BCAR3: variants seen among roughly 807,000 people sequenced by gnomAD.
BCAR3 encodes BCAR3 adaptor protein, NSP family member, also known as breast cancer anti-estrogen resistance protein 3.
In BCAR3, 37 loss-of-function variants were observed where a neutral mutation model predicts 80.1. That is an observed-to-expected ratio of 0.46 (90% CI 0.36 to 0.61). BCAR3 has a LOEUF of 0.61. Among genes scored for constraint, BCAR3 ranks in the 20% least tolerant of loss-of-function variants. The probability of loss-of-function intolerance (pLI) is 0.00; values close to 1 mark genes in which losing one functional copy is unlikely to be tolerated. For missense variants in BCAR3, 978 were observed against 1,068.2 expected, an observed-to-expected ratio of 0.92 and a Z score of 1.18; for synonymous variants, 389 against 418.9, an observed-to-expected ratio of 0.93 and a Z score of 0.87.
chr1:93,821,011 A>G (rs1219978353), intron 2 of BCAR3, among the ~76,000 whole-genome samples: 2 of 152,094 alleles, frequency 1.3e-5, no homozygotes, highest in Non-Finnish European at 2.9e-5. Flanking sequence ...CAAAACAAAA[A>G]AAACTCCTGT....
At chr1:93,604,453 C>G (rs1481395901) in intron 3 of BCAR3, among the ~76,000 whole-genome samples, 1 of 152,174 alleles carries the variant, frequency 6.6e-6, no homozygotes, top group East Asian at 1.9e-4. Flanking sequence ...TTCTGTTATC[C>G]ATGTGTGCAA....
intron 2 of BCAR3, among the ~76,000 whole-genome samples, chr1:93,645,302 T>C (rs1202616357): frequency 6.6e-6 from 1 of 151,866 alleles, no homozygotes; most frequent in Non-Finnish European, 1.5e-5. Flanking sequence ...GAGAAAGAAA[T>C]ACTCTAAAAA....
At chr1:93,588,463 G>A (rs940967465) in intron 5 of BCAR3, among the ~76,000 whole-genome samples, 7 of 152,020 alleles carry the variant, frequency 4.6e-5, no homozygotes, top group African/African-American at 1.7e-4. Context: ...CACCGTGTTC[G>A]CTATGCTGAG....
Position 93,710,863 on chromosome 1 carries a change from C to T in BCAR3, c.-62-4721G>A, listed in dbSNP as rs565986507. Among the ~76,000 whole-genome samples the T allele has an allele frequency of 2.4e-4, 36 of 152,334 alleles. No individual in the cohort carries two copies. The South Asian group carries it at 3.3e-3, about 14-fold the overall frequency. On this transcript the variant is annotated intron_variant, in intron 2 of 13. Coordinates refer to the BCAR3 transcript ENST00000370244. ...TCATGAGTCTGGGAGCAGCTTAGCT[C>T]GATGGTTCTGGTTCAGGGTTTCTCA...
intron 2 of BCAR3, among the ~76,000 whole-genome samples, chr1:93,836,031 C>T (rs1164613033): frequency 6.6e-6 from 1 of 152,184 alleles, no homozygotes; most frequent in African/African-American, 2.4e-5. Context: ...CATCCTCAAT[C>T]TTCAGGAAAG....
At chr1:93,841,015 T>C (rs933267893) in intron 2 of BCAR3, among the ~76,000 whole-genome samples, 2 of 152,222 alleles carry the variant, frequency 1.3e-5, no homozygotes, top group South Asian at 2.1e-4. Flanking sequence ...GGAGAAGAGA[T>C]AGAAAACCAC....
chr1:93,783,688 C>T (rs17304651), intron 2 of BCAR3, among the ~76,000 whole-genome samples: 2,782 of 152,196 alleles, frequency 0.018, 34 homozygotes, highest in Non-Finnish European at 0.026. Context: ...TTCTATAAAG[C>T]GTAAAACATG....
At chr1:93,813,074 C>A (rs1653901790) in intron 2 of BCAR3, among the ~76,000 whole-genome samples, 1 of 152,142 alleles carries the variant, frequency 6.6e-6, no homozygotes, top group Admixed American at 6.5e-5. Flanking sequence ...CATCCCTCCC[C>A]CAGATGACCC....
At chr1:93,743,317 T>A (rs1651244582) in intron 2 of BCAR3, among the ~76,000 whole-genome samples, 1 of 152,188 alleles carries the variant, frequency 6.6e-6, no homozygotes, top group South Asian at 2.1e-4. Flanking sequence ...AGTTTTATCA[T>A]CATGCAAGAG....
In BCAR3 at chr1:93,592,408, C is replaced by A; in HGVS notation, c.358-15G>T. 1 of 1,582,584 alleles carries A rather than the reference C, an allele frequency of 6.3e-7. No homozygotes were observed. Among genetic ancestry groups the A allele is most frequent in the South Asian group, 1.1e-5 (1 of 88,154 alleles). On this transcript the variant is annotated splice_polypyrimidine_tract_variant and intron_variant, in intron 3 of 11. Coordinates refer to ENST00000260502, the MANE Select transcript of BCAR3 (RefSeq NM_003567.4). The surrounding 1 kb of genome is among the most constrained non-coding windows in gnomAD (Gnocchi z 4.8). ...TCCTTGGAGAACTGCAACACAGAGT[C>A]AACCATGAGCTCACCCTGCCCAGGC...
chr1:93,736,263 C>T (rs1650967014), intron 2 of BCAR3, among the ~76,000 whole-genome samples: 1 of 152,220 alleles, frequency 6.6e-6, no homozygotes, highest in African/African-American at 2.4e-5. Flanking sequence ...TCTCGGCTTA[C>T]TGCAACCTCC....
At chr1:93,644,672 T>C (rs1676098401) in intron 2 of BCAR3, among the ~76,000 whole-genome samples, 1 of 152,194 alleles carries the variant, frequency 6.6e-6, no homozygotes, top group Non-Finnish European at 1.5e-5. Flanking sequence ...ACTCTTTTCA[T>C]TGACAATAAT....
chr1:93,688,425 T>C (rs1299885963), intron 3 of BCAR3, among the ~76,000 whole-genome samples: 1 of 152,154 alleles, frequency 6.6e-6, no homozygotes, highest in African/African-American at 2.4e-5. Flanking sequence ...CTTTTTTTTT[T>C]CACTAATTAT....
chr1:93,747,663 C>T (rs907151169), intron 2 of BCAR3, among the ~76,000 whole-genome samples: 7 of 151,604 alleles, frequency 4.6e-5, no homozygotes, highest in Non-Finnish European at 8.8e-5. Flanking sequence ...ATAATTTGAG[C>T]TGCTACCAGA....
At chr1:93,728,308 G>T (rs2100679609) in intron 2 of BCAR3, among the ~76,000 whole-genome samples, 1 of 152,366 alleles carries the variant, frequency 6.6e-6, no homozygotes, top group South Asian at 2.1e-4. Context: ...CAGACGGGCA[G>T]GTCGTGGGGC....
rs1477018812 is a variant in BCAR3, at chr1:93,624,915, A to G, written c.357+17389T>C. 2.0e-5 allele frequency among the ~76,000 whole-genome samples: 3 copies of G among 152,278 alleles called. No homozygotes were observed. The East Asian group carries it at 5.8e-4, about 29-fold the overall frequency. ...TACGGCTGCTTCCCACTTTGGCCCT[A>G]AGAGTCATTTTACGGCCAGGCGCGG... On this transcript the variant is annotated intron_variant, in intron 3 of 11. Coordinates refer to ENST00000260502, the MANE Select transcript of BCAR3 (RefSeq NM_003567.4).
rs190570538 is a variant in BCAR3 at position 93,707,043 on chromosome 1, C to T, written c.-62-901G>A. 3.5e-3 allele frequency among the ~76,000 whole-genome samples: 526 copies of T among 151,762 alleles called. 5 individuals are homozygous for T. Among genetic ancestry groups the T allele is most frequent in the Middle Eastern group, 0.014 (4 of 292 alleles). ...TACAAAAATTAACCAGGTGTGGTGG[C>T]GGGCGCCTGTAATCCCAGCTTCTCG... On this transcript the variant is annotated intron_variant, in intron 2 of 13. Coordinates refer to the BCAR3 transcript ENST00000370244.
chr1:93,744,312 T>C lies in BCAR3; in HGVS notation c.-62-38170A>G, dbSNP rs1216609412. ...TGGCAAGCTGTCCTGATCAGTCCCT[T>C]TCTTCCTCCTGAGGATACGTTTCAA... On this transcript the variant is annotated intron_variant, in intron 2 of 13. Transcript: ENST00000370244. Among the ~76,000 whole-genome samples, 3 of 152,166 alleles carry C rather than the reference T, an allele frequency of 2.0e-5. No homozygotes were observed. The East Asian group carries it at 5.8e-4, about 29-fold the overall frequency.
At chr1:93,647,445 A>G (rs1676176901) in intron 2 of BCAR3, among the ~76,000 whole-genome samples, 1 of 152,238 alleles carries the variant, frequency 6.6e-6, no homozygotes, top group Admixed American at 6.5e-5. Flanking sequence ...AAAATTTAAG[A>G]TGTTTAAACA....
Sources: allele counts gnomAD v4.1 joint callset (sites outside exome capture counted in the v4.1 genomes callset), GRCh38; gene constraint gnomAD v4.1.1; non-coding constraint Gnocchi (gnomAD v3.1); transcripts MANE v1.5; gene names NCBI Gene and HGNC (gene_info 2026-07-23, HGNC 2026-07-21).